RFX3: variants seen among roughly 807,000 people sequenced by gnomAD.
The protein encoded by RFX3 is regulatory factor X3, also known as transcription factor RFX3.
A neutral mutation model predicts 98.6 loss-of-function variants in RFX3; 14 were observed. That is an observed-to-expected ratio of 0.14 (90% CI 0.09 to 0.22). The LOEUF (loss-of-function observed/expected upper bound fraction) is 0.22. Among genes scored for constraint, RFX3 ranks in the 10% least tolerant of loss-of-function variants. RFX3 has a pLI of 1.00. For synonymous variants in RFX3, 383 were observed against 328.4 expected (o/e 1.17, Z -1.80); for missense variants, 639 against 926.9 (o/e 0.69, Z 4.03).
At chr9:3,274,941 TTA>T (rs1319082166) in intron 9 of RFX3, among the ~76,000 whole-genome samples, 1 of 152,094 alleles carries the variant, frequency 6.6e-6, no homozygotes, top group Non-Finnish European at 1.5e-5. Context: ...AACACACATG[TTA>T]TTTTTCACTC....
chr9:3,249,917 G>A (rs547056800), intron 14 of RFX3, among the ~76,000 whole-genome samples: 4 of 151,896 alleles, frequency 2.6e-5, no homozygotes, highest in South Asian at 2.1e-4. Context: ...CTACTTTAAC[G>A]AATTCCTTAA....
At chr9:3,381,251 A>G (rs1839161066) in intron 2 of RFX3, among the ~76,000 whole-genome samples, 1 of 152,106 alleles carries the variant, frequency 6.6e-6, no homozygotes, top group South Asian at 2.1e-4. Context: ...ATTATTGGTA[A>G]AAAGGCTTTT....
At chr9:3,271,446 TC>T (rs1039941754) in intron 9 of RFX3, among the ~76,000 whole-genome samples, 11 of 136,524 alleles carry the variant, frequency 8.1e-5, no homozygotes, top group African/African-American at 2.9e-4. Flanking sequence ...CTTCCCTCCC[TC>T]CCTCCCTTCC....
chr9:3,467,379 C>A (rs1848403758), intron 1 of RFX3, among the ~76,000 whole-genome samples: 1 of 149,844 alleles, frequency 6.7e-6, no homozygotes, highest in Non-Finnish European at 1.5e-5. Context: ...GGCTTTCTTT[C>A]AAGGCATCAG....
At chr9:3,311,747 G>A (rs1441468305) in intron 4 of RFX3, among the ~76,000 whole-genome samples, 1 of 137,238 alleles carries the variant, frequency 7.3e-6, no homozygotes, top group Non-Finnish European at 1.5e-5. Context: ...TTAGCTGGGT[G>A]TGGGTGGGCG....
intron 2 of RFX3, among the ~76,000 whole-genome samples, chr9:3,354,404 A>G (rs1478026359): frequency 6.6e-6 from 1 of 151,978 alleles, no homozygotes; most frequent in Non-Finnish European, 1.5e-5. Flanking sequence ...AAAAATGAAT[A>G]AAGAACATTA....
chr9:3,340,630 G>A (rs915188555), intron 3 of RFX3, among the ~76,000 whole-genome samples: 1 of 152,184 alleles, frequency 6.6e-6, no homozygotes, highest in African/African-American at 2.4e-5. Context: ...AGACATTTAT[G>A]TAGCCAAAAG....
chr9:3,302,442 CCTGGTAGTATTGCATGTTG>C (rs1563890203), intron 4 of RFX3, among the ~76,000 whole-genome samples: 1 of 151,718 alleles, frequency 6.6e-6, no homozygotes, highest in East Asian at 1.9e-4. Flanking sequence ...TCTTTCAACT[CCTGGTAGTATTGCATGTTG>C]CATTAAAAAC....
chr9:3,367,669 C>T (rs560080916), intron 2 of RFX3, among the ~76,000 whole-genome samples: 2 of 152,186 alleles, frequency 1.3e-5, no homozygotes, highest in South Asian at 4.1e-4. Flanking sequence ...GAAATACACT[C>T]GGAACCACTT....
intron 1 of RFX3, among the ~76,000 whole-genome samples, chr9:3,480,229 G>A (rs984737084): frequency 8.5e-5 from 13 of 152,278 alleles, no homozygotes; most frequent in African/African-American, 2.9e-4. Context: ...TCAGCCAGCA[G>A]GTGAGAAATG....
chr9:3,461,241 T>C (rs1847660423), intron 1 of RFX3, among the ~76,000 whole-genome samples: 2 of 151,972 alleles, frequency 1.3e-5, no homozygotes, highest in South Asian at 2.1e-4. Context: ...ATAAATTGGG[T>C]TTCATGTTTG....
intron 1 of RFX3, among the ~76,000 whole-genome samples, chr9:3,510,854 G>A (rs1028917642): frequency 6.6e-6 from 1 of 151,734 alleles, no homozygotes; most frequent in Admixed American, 6.6e-5. Context: ...ATTTACTTTT[G>A]AAAAGTATAA....
chr9:3,269,435 T>G (rs896989427), intron 11 of RFX3, among the ~76,000 whole-genome samples: 2 of 152,104 alleles, frequency 1.3e-5, no homozygotes, highest in Non-Finnish European at 2.9e-5. Context: ...AAGTACACAG[T>G]AGCCAACTTC....
At chr9:3,475,457 C>T (rs930424538) in intron 1 of RFX3, among the ~76,000 whole-genome samples, 6 of 152,072 alleles carry the variant, frequency 3.9e-5, no homozygotes, top group Admixed American at 2.6e-4. Context: ...GACAAGGTCA[C>T]ATGAGTCACA....
intron 14 of RFX3, among the ~76,000 whole-genome samples, chr9:3,253,357 G>C (rs1326993228): frequency 2.6e-5 from 4 of 152,146 alleles, no homozygotes; most frequent in Non-Finnish European, 5.9e-5. Flanking sequence ...ATATTGTCCA[G>C]TTGTAGGCAA....
At chr9:3,301,212 G>A (rs556706966) in intron 5 of RFX3, among the ~76,000 whole-genome samples, 4,661 of 151,912 alleles carry the variant, frequency 0.031, 96 homozygotes, top group Middle Eastern at 0.075. Flanking sequence ...ACAAGTATTT[G>A]CTTCATAGTA....
At chr9:3,301,351 T>C (rs1160706773) in intron 5 of RFX3, among the ~76,000 whole-genome samples, 195 bp downstream of exon 5, 1 of 151,860 alleles carries the variant, frequency 6.6e-6, no homozygotes, top group African/African-American at 2.4e-5. Flanking sequence ...ACCTAATAAA[T>C]TATACTGGAG....
intron 1 of RFX3, among the ~76,000 whole-genome samples, chr9:3,457,828 G>T (rs1014235126): frequency 1.3e-5 from 2 of 152,168 alleles, no homozygotes; most frequent in Middle Eastern, 3.4e-3. Flanking sequence ...CTAGAGTAAA[G>T]AATACAAAGA....
intron 3 of RFX3, among the ~76,000 whole-genome samples, chr9:3,340,697 C>A (rs995471873): frequency 2.0e-5 from 3 of 152,186 alleles, no homozygotes; most frequent in Non-Finnish European, 2.9e-5. Context: ...ATCAAAACCA[C>A]AATGAGATAC....
Sources: gnomAD v4.1 joint callset for allele counts (sites outside exome capture counted in the v4.1 genomes callset) on GRCh38, gnomAD v4.1.1 for gene constraint, MANE v1.5 for transcripts, NCBI Gene and HGNC (gene_info 2026-07-23, HGNC 2026-07-21) for gene names.